DSE: variants seen among roughly 807,000 people sequenced by gnomAD.
DSE encodes dermatan sulfate epimerase, also known as dermatan-sulfate epimerase.
A neutral mutation model predicts 84.4 loss-of-function variants in DSE; 36 were observed. The ratio of observed to expected loss-of-function variants is 0.43; its 90% CI spans 0.33 to 0.56. The LOEUF (loss-of-function observed/expected upper bound fraction) is 0.56, where lower values mean the gene tolerates loss of function less well. DSE is among the 20% of genes least tolerant of loss of function. DSE has a pLI of 0.06. For missense variants in DSE, 862 were observed against 1,169.6 expected (o/e 0.74, Z 3.84); for synonymous variants, 410 against 430.1 (o/e 0.95, Z 0.58).
intron 1 of DSE, among the ~76,000 whole-genome samples, chr6:116,397,050 G>T (rs1053311478): frequency 1.3e-5 from 2 of 152,020 alleles, no homozygotes; most frequent in East Asian, 3.9e-4. Flanking sequence ...CTGCATGTAC[G>T]TTGGGTGTGT....
intron 2 of DSE, chr6:116,279,854 C>A (rs1245446520): frequency 6.2e-7 from 1 of 1,612,952 alleles, no homozygotes; most frequent in African/African-American, 1.3e-5. Context: ...GGACCAACCG[C>A]AGGCGAACGC....
At chr6:116,369,896 C>G (rs898630526), upstream of DSE, 4 of 1,289,022 alleles carry the variant, frequency 3.1e-6, no homozygotes, top group Admixed American at 6.9e-5. Context: ...AAGCACTGCT[C>G]CCAGTAAAAT....
In DSE at chr6:116,370,989, G is replaced by C; in HGVS notation, c.-186G>C. On this transcript the variant is annotated 5_prime_UTR_variant, in exon 1 of 6. Transcript: ENST00000644252. ...CTGCAGCAGCGCATCCCGGGGCATG[G>C]CGCGGCGGGGGCGCGGAGGGCTCGG... 1.0e-6 allele frequency: 1 copy of C among 985,674 alleles called. No individual in the cohort carries two copies. The highest frequency in any genetic ancestry group is 1.2e-6 in the Non-Finnish European group (1 of 830,160). 61.1% of individuals were successfully genotyped at this position (985,674 alleles called of 1,614,324 possible). A position where few individuals can be genotyped will look rare whatever the true frequency, so the allele number is the denominator to read the frequency against.
Position 116,426,763 on chromosome 6 carries a change from G to T in DSE, c.606G>T (p.Leu202=), listed in dbSNP as rs1480980912. Residue 202 remains leucine (L), a synonymous_variant, in exon 3 of 6, where the codon CTG becomes CTT. Coordinates refer to ENST00000644252, the MANE Select transcript of DSE (RefSeq NM_013352.4). ...SYRRGWGFQY[L]HNHQPTNCMA... is the part of the protein sequence containing the mutation. ...GGAGAGGATGGGGATTTCAATACCT[G>T]CACAATCATCAGCCCACCAACTGTA... 1 of 1,614,192 alleles carries T rather than the reference G, an allele frequency of 6.2e-7. No homozygotes were observed. Among genetic ancestry groups the T allele is most frequent in the Non-Finnish European group, 8.5e-7 (1 of 1,180,040 alleles).
intron 2 of DSE, among the ~76,000 whole-genome samples, chr6:116,413,378 C>G (rs1782506943): frequency 6.6e-6 from 1 of 152,168 alleles, no homozygotes; most frequent in Non-Finnish European, 1.5e-5. Context: ...TCCAGAGAAT[C>G]CCTACCCAAT....
At chr6:116,405,360 C>G (rs966880210) in intron 2 of DSE, among the ~76,000 whole-genome samples, 3 of 152,128 alleles carry the variant, frequency 2.0e-5, no homozygotes, top group African/African-American at 7.2e-5. Flanking sequence ...CTTCTCATGA[C>G]CTTACAGTGA....
At chr6:116,417,132 A>C (rs1277667537) in intron 2 of DSE, among the ~76,000 whole-genome samples, 1 of 152,176 alleles carries the variant, frequency 6.6e-6, no homozygotes, top group African/African-American at 2.4e-5. Context: ...CTTGTTCCTA[A>C]ATTTGAATAA....
In DSE at chr6:116,334,517, C is replaced by T. The variant is rs137939036; in HGVS notation, c.-53-64681C>T. On this transcript the variant is annotated intron_variant, in intron 2 of 3. Transcript: ENST00000430252. ...GTTGTCTGCTCACTCTTAATAGTTT[C>T]CTTGCTAGATCCCATTTGTTATTTA... is the stretch of plus-strand genomic sequence containing the variant. 2.5e-3 allele frequency among the ~76,000 whole-genome samples: 377 copies of T among 152,278 alleles called. 1 individual carries two copies. Among genetic ancestry groups the T allele is most frequent in the South Asian group, 6.2e-3 (30 of 4,828 alleles).
chr6:116,402,685 C>T (rs975467741), intron 2 of DSE, among the ~76,000 whole-genome samples: 4 of 152,256 alleles, frequency 2.6e-5, no homozygotes, highest in South Asian at 4.1e-4. Context: ...CTTAATTGCT[C>T]TCAAAACTAG....
intron 2 of DSE, among the ~76,000 whole-genome samples, chr6:116,406,329 A>C (rs1371561143): frequency 1.3e-5 from 2 of 152,222 alleles, no homozygotes; most frequent in East Asian, 3.8e-4. Context: ...CAAAGGCAAC[A>C]TGAATATATT....
At chr6:116,337,427 T>A (rs1330067145) in intron 2 of DSE, among the ~76,000 whole-genome samples, 1 of 152,118 alleles carries the variant, frequency 6.6e-6, no homozygotes, top group East Asian at 1.9e-4. Context: ...CTGACCAACA[T>A]GGTGAAACAC....
chr6:116,349,038 A>T (rs192661728), intron 2 of DSE, among the ~76,000 whole-genome samples: 2 of 152,324 alleles, frequency 1.3e-5, no homozygotes, highest in Non-Finnish European at 2.9e-5. Context: ...TAACAGGTGC[A>T]GCAAACCAAC....
intron 2 of DSE, chr6:116,400,044 T>G (rs1240962555): frequency 5.5e-6 from 1 of 181,308 alleles, no homozygotes; most frequent in Non-Finnish European, 1.2e-5. Flanking sequence ...AGCAAGACAT[T>G]TCAAGTAATT....
chr6:116,279,852 C>A lies in DSE; in HGVS notation c.-54+20885C>A, dbSNP rs373866929. The A allele has an allele frequency of 5.0e-6, 8 of 1,613,062 alleles. No homozygotes were observed. The Middle Eastern group carries it at 4.9e-4, about 100-fold the overall frequency. ...TCATGTTGCTAACAGTCGGACCAAC[C>A]GCAGGCGAACGCCCGTTTTCCTCAG... On this transcript the variant is annotated intron_variant, in intron 2 of 3. Transcript: ENST00000430252.
At chr6:116,367,122 T>G (rs1049983434), upstream of DSE, 7 of 152,294 alleles carry the variant, frequency 4.6e-5, no homozygotes, top group Admixed American at 6.5e-5. Context: ...GAGGGAGGCC[T>G]GAGCAAGGAA....
At chr6:116,394,749 G>A (rs1252453670) in intron 1 of DSE, among the ~76,000 whole-genome samples, 1 of 152,128 alleles carries the variant, frequency 6.6e-6, no homozygotes, top group Non-Finnish European at 1.5e-5. Flanking sequence ...TAAGACAAAT[G>A]AATGGGAAGA....
chr6:116,322,128 A>G (rs144342611), intron 2 of DSE, among the ~76,000 whole-genome samples: 1 of 152,144 alleles, frequency 6.6e-6, no homozygotes, highest in African/African-American at 2.4e-5. Flanking sequence ...AGCAGGGGGT[A>G]CGTGACTGGG....
At chr6:116,353,229 A>G (rs1778407162) in intron 2 of DSE, among the ~76,000 whole-genome samples, 2 of 152,136 alleles carry the variant, frequency 1.3e-5, no homozygotes, top group Admixed American at 6.5e-5. Context: ...GATGACCTCT[A>G]ACTTCTGGTT....
At chr6:116,327,845 T>C (rs1233500683) in intron 2 of DSE, among the ~76,000 whole-genome samples, 1 of 152,140 alleles carries the variant, frequency 6.6e-6, no homozygotes, top group Non-Finnish European at 1.5e-5. Flanking sequence ...ACAAGTAAAT[T>C]TAGAGACACA....
Sources: gnomAD v4.1 joint callset for allele counts (sites outside exome capture counted in the v4.1 genomes callset) on GRCh38, gnomAD v4.1.1 for gene constraint, MANE v1.5 for transcripts, NCBI Gene and HGNC (gene_info 2026-07-23, HGNC 2026-07-21) for gene names.